Variants in GPC6 observed in about 807,000 individuals in gnomAD.
GPC6 encodes the protein glypican-6.
A neutral mutation model predicts 55.2 loss-of-function variants in GPC6; 14 were observed. That is an observed-to-expected ratio of 0.25 (90% CI 0.17 to 0.40). The LOEUF is 0.40. Ranked by LOEUF, GPC6 falls within the 10% of genes least tolerant of loss-of-function variation. The probability of loss-of-function intolerance (pLI) is 1.00; values close to 1 mark genes in which losing one functional copy is unlikely to be tolerated. For missense variants in GPC6, 641 were observed against 708.5 expected, an observed-to-expected ratio of 0.90 and a Z score of 1.08; for synonymous variants, 278 against 259.6, an observed-to-expected ratio of 1.07 and a Z score of -0.68.
intron 2 of GPC6, among the ~76,000 whole-genome samples, chr13:93,744,153 G>T (rs1884304734): frequency 6.6e-6 from 1 of 152,062 alleles, no homozygotes. Flanking sequence ...TTCTGTGGTT[G>T]ATTTTCCTCT....
At chr13:93,273,986 T>C (rs1877640957) in intron 1 of GPC6, among the ~76,000 whole-genome samples, 1 of 151,714 alleles carries the variant, frequency 6.6e-6, no homozygotes, top group Admixed American at 6.6e-5. Flanking sequence ...TTTTGTATTT[T>C]TAGTAGAGAT....
chr13:93,361,792 C>T (rs9301875), intron 1 of GPC6, among the ~76,000 whole-genome samples: 63,344 of 151,886 alleles, frequency 0.42, 14,904 homozygotes, highest in East Asian at 0.91. Context: ...AGAAAAAAAC[C>T]TGGACCTTAA....
At chr13:94,311,730 T>C (rs1594157229) in intron 6 of GPC6, among the ~76,000 whole-genome samples, 1 of 152,302 alleles carries the variant, frequency 6.6e-6, no homozygotes. Flanking sequence ...CCATATGCCC[T>C]GAGACCAGGG....
intron 3 of GPC6, among the ~76,000 whole-genome samples, chr13:93,947,084 T>C (rs1183141923): frequency 6.6e-6 from 1 of 152,208 alleles, no homozygotes; most frequent in Admixed American, 6.5e-5. Context: ...CTTGTGGTTC[T>C]TCAGTGATTC....
chr13:93,318,828 A>G (rs1417465491), intron 1 of GPC6, among the ~76,000 whole-genome samples: 1 of 152,160 alleles, frequency 6.6e-6, no homozygotes, highest in Non-Finnish European at 1.5e-5. Flanking sequence ...AGGGTATGTT[A>G]TAGCTTTGCT....
chr13:94,262,010 A>G (rs2139050894), intron 4 of GPC6, among the ~76,000 whole-genome samples: 1 of 152,332 alleles, frequency 6.6e-6, no homozygotes, highest in African/African-American at 2.4e-5. Context: ...GACTGAAGGA[A>G]CAAGGTCCCC....
intron 4 of GPC6, among the ~76,000 whole-genome samples, chr13:94,119,177 C>G (rs1165440876): frequency 6.6e-6 from 1 of 151,942 alleles, no homozygotes; most frequent in East Asian, 1.9e-4. Context: ...ATATGCAAGC[C>G]ACTATTCCAG....
chr13:93,398,061 G>A (rs901064306), intron 1 of GPC6, among the ~76,000 whole-genome samples: 10 of 152,040 alleles, frequency 6.6e-5, no homozygotes, highest in Non-Finnish European at 1.5e-4. Context: ...CCCCATTTCA[G>A]CACTTTCAAA....
At chr13:93,414,953 G>A (rs1659471392) in intron 1 of GPC6, among the ~76,000 whole-genome samples, 1 of 151,896 alleles carries the variant, frequency 6.6e-6, no homozygotes, top group Admixed American at 6.6e-5. Flanking sequence ...AAATGTTTTA[G>A]CAAGAAAACA....
intron 2 of GPC6, among the ~76,000 whole-genome samples, chr13:93,563,594 C>G (rs1277214949): frequency 6.6e-6 from 1 of 151,952 alleles, no homozygotes; most frequent in African/African-American, 2.4e-5. Flanking sequence ...AGATCTCAGA[C>G]ACAATAAACG....
chr13:93,449,821 CA>C (rs35104410), intron 1 of GPC6, among the ~76,000 whole-genome samples: 164 of 143,320 alleles, frequency 1.1e-3, no homozygotes, highest in Middle Eastern at 3.5e-3. Context: ...GAAACTCAGT[CA>C]AAAAAAAAAA....
At chr13:93,400,120 G>C (rs1876013820) in intron 1 of GPC6, among the ~76,000 whole-genome samples, 1 of 152,140 alleles carries the variant, frequency 6.6e-6, no homozygotes, top group South Asian at 2.1e-4. Flanking sequence ...GATGCAGCTA[G>C]CCATTTGAGG....
chr13:94,352,643 G>T (rs1297900773), intron 6 of GPC6, among the ~76,000 whole-genome samples: 2 of 152,108 alleles, frequency 1.3e-5, no homozygotes, highest in African/African-American at 4.8e-5. Context: ...TGGTAACTTT[G>T]CTCCATGTTA....
At chr13:93,563,207 G>GA (rs1360789057) in intron 2 of GPC6, among the ~76,000 whole-genome samples, 2 of 151,824 alleles carry the variant, frequency 1.3e-5, no homozygotes, top group Admixed American at 1.3e-4. Flanking sequence ...ACTTAATTAT[G>GA]AAAAAAAATG....
intron 1 of GPC6, among the ~76,000 whole-genome samples, chr13:93,439,773 C>T (rs886095141): frequency 6.6e-6 from 1 of 152,052 alleles, no homozygotes; most frequent in Non-Finnish European, 1.5e-5. Context: ...CTGACTAATA[C>T]ATGGCTGAAT....
chr13:94,033,234 G>T (rs1883205350), intron 4 of GPC6, among the ~76,000 whole-genome samples: 1 of 152,176 alleles, frequency 6.6e-6, no homozygotes, highest in Non-Finnish European at 1.5e-5. Flanking sequence ...TGAGTGCAGG[G>T]ATGGCAGAAA....
At chr13:93,906,481 A>C (rs948688571) in intron 3 of GPC6, among the ~76,000 whole-genome samples, 2 of 152,184 alleles carry the variant, frequency 1.3e-5, no homozygotes, top group Admixed American at 6.5e-5. Context: ...CAATGGTCCA[A>C]AATCCAATGC....
At chr13:93,327,830 T>A (rs1879710732) in intron 1 of GPC6, among the ~76,000 whole-genome samples, 1 of 151,886 alleles carries the variant, frequency 6.6e-6, no homozygotes, top group African/African-American at 2.4e-5. Context: ...TCTAATAAAA[T>A]GTTAAACTCA....
chr13:93,830,416 T>C lies in GPC6; in HGVS notation c.582T>C (p.Thr194=), dbSNP rs377088327. 1.2e-6 allele frequency: 2 copies of C among 1,613,822 alleles called. No homozygotes were observed. Among genetic ancestry groups the C allele is most frequent in the Non-Finnish European group, 1.7e-6 (2 of 1,179,962 alleles). ...EDYLECVSKY[T]DQLKPFGDVP... Reference sequence around the variant, plus strand: ...ACCTGGAATGTGTGAGCAAATACACTGACCAGCTCAAGCCATTTGGAGACG... The same window carrying C: ...ACCTGGAATGTGTGAGCAAATACACCGACCAGCTCAAGCCATTTGGAGACG... Residue 194 remains threonine, a synonymous_variant, in exon 3 of 9, where the codon ACT becomes ACC. Coordinates refer to ENST00000377047, the MANE Select transcript of GPC6 (RefSeq NM_005708.5).
Sources: gnomAD v4.1 joint callset for allele counts (sites outside exome capture counted in the v4.1 genomes callset) on GRCh38, gnomAD v4.1.1 for gene constraint, MANE v1.5 for transcripts, NCBI Gene and HGNC (gene_info 2026-07-23, HGNC 2026-07-21) for gene names.